Variants in FSTL5 observed in about 807,000 individuals in gnomAD.
The protein encoded by FSTL5 is follistatin like 5.
Under a neutral mutation model 89.1 loss-of-function variants are expected in FSTL5, and 62 were observed. The ratio of observed to expected loss-of-function variants is 0.70; its 90% confidence interval spans 0.57 to 0.86. The LOEUF (loss-of-function observed/expected upper bound fraction) is 0.86, where lower values mean the gene tolerates loss of function less well. Among genes scored for constraint, FSTL5 ranks in the 40% least tolerant of loss-of-function variants. FSTL5 has a pLI of 0.00. For missense variants in FSTL5, 1,057 were observed against 1,001.6 expected, an observed-to-expected ratio of 1.06 and a Z score of -0.75; for synonymous variants, 383 against 346.2, an observed-to-expected ratio of 1.11 and a Z score of -1.18.
At chr4:161,577,361 C>T (rs1333924741) in intron 8 of FSTL5, among the ~76,000 whole-genome samples, 8 of 149,794 alleles carry the variant, frequency 5.3e-5, no homozygotes, top group Admixed American at 6.7e-5. Flanking sequence ...TAACTTAAAA[C>T]TTGTAAGCCA....
intron 1 of FSTL5, among the ~76,000 whole-genome samples, chr4:162,131,406 A>T (rs962276302): frequency 6.6e-6 from 1 of 152,238 alleles, no homozygotes; most frequent in Non-Finnish European, 1.5e-5. Flanking sequence ...AGTTGCTTAT[A>T]TAAAAAATTT....
intron 6 of FSTL5, among the ~76,000 whole-genome samples, chr4:161,719,413 A>C (rs928205693): frequency 5.3e-5 from 8 of 152,200 alleles, no homozygotes; most frequent in Non-Finnish European, 2.9e-5. Context: ...ATAATTTGAC[A>C]AAAATCAAAT....
intron 4 of FSTL5, among the ~76,000 whole-genome samples, chr4:161,834,552 C>T (rs1381073672): frequency 6.6e-6 from 1 of 152,056 alleles, no homozygotes; most frequent in Non-Finnish European, 1.5e-5. Context: ...TCTAGAAAAC[C>T]CCATTGTCTT....
intron 15 of FSTL5, among the ~76,000 whole-genome samples, chr4:161,437,370 T>C (rs1732594306): frequency 6.6e-6 from 1 of 151,738 alleles, no homozygotes; most frequent in Admixed American, 6.6e-5. Flanking sequence ...ATCGAGACCA[T>C]CCTGGCTAAC....
chr4:161,964,451 G>A (rs185827583), intron 3 of FSTL5, among the ~76,000 whole-genome samples: 1 of 152,070 alleles, frequency 6.6e-6, no homozygotes, highest in Admixed American at 6.6e-5. Flanking sequence ...GTGCAATGAG[G>A]CTACATTATG....
At chr4:161,639,341 C>T (rs1195895868) in intron 7 of FSTL5, among the ~76,000 whole-genome samples, 3 of 152,144 alleles carry the variant, frequency 2.0e-5, no homozygotes, top group Admixed American at 2.0e-4. Flanking sequence ...TTTGCATAAG[C>T]TACCTATCCT....
intron 13 of FSTL5, among the ~76,000 whole-genome samples, chr4:161,465,199 T>A (rs1733710486): frequency 6.6e-6 from 1 of 152,234 alleles, no homozygotes; most frequent in South Asian, 2.1e-4. Context: ...TTTTTAAGAT[T>A]AAAAAATTGT....
intron 1 of FSTL5, among the ~76,000 whole-genome samples, chr4:162,139,718 A>G (rs1732652887): frequency 6.6e-6 from 1 of 152,158 alleles, no homozygotes; most frequent in Non-Finnish European, 1.5e-5. Flanking sequence ...AACTTTTAAA[A>G]CATAATGCAG....
chr4:161,924,587 TAG>T (rs1169170970), intron 3 of FSTL5, among the ~76,000 whole-genome samples: 1 of 151,654 alleles, frequency 6.6e-6, no homozygotes, highest in Non-Finnish European at 1.5e-5. Flanking sequence ...CATGCTTAAG[TAG>T]AGAGACTAAG....
chr4:161,969,336 T>A (rs923206797), intron 3 of FSTL5, among the ~76,000 whole-genome samples: 1 of 152,160 alleles, frequency 6.6e-6, no homozygotes, highest in Admixed American at 6.6e-5. Flanking sequence ...ATATTTTATC[T>A]GGTTTATCTG....
At chr4:161,687,577 T>G (rs1737788859) in intron 6 of FSTL5, among the ~76,000 whole-genome samples, 1 of 152,196 alleles carries the variant, frequency 6.6e-6, no homozygotes, top group Non-Finnish European at 1.5e-5. Context: ...ACTTTAAATT[T>G]TTCATTTTGT....
chr4:162,125,356 T>C (rs1249326796), intron 1 of FSTL5, among the ~76,000 whole-genome samples: 1 of 152,206 alleles, frequency 6.6e-6, no homozygotes, highest in Non-Finnish European at 1.5e-5. Flanking sequence ...ATTTTTTTAT[T>C]TGAATTTTTA....
intron 4 of FSTL5, among the ~76,000 whole-genome samples, chr4:161,801,604 C>T (rs986315526): frequency 2.6e-5 from 4 of 151,360 alleles, no homozygotes; most frequent in African/African-American, 9.7e-5. Context: ...CCTAAACATA[C>T]TATTAACACT....
chr4:161,935,566 G>T (rs909455243), intron 3 of FSTL5, among the ~76,000 whole-genome samples: 15 of 152,016 alleles, frequency 9.9e-5, no homozygotes, highest in African/African-American at 3.6e-4. Flanking sequence ...CCACAGAGAG[G>T]TAATTAAAAA....
intron 15 of FSTL5, among the ~76,000 whole-genome samples, chr4:161,437,879 G>A (rs985556779): frequency 2.0e-5 from 3 of 152,118 alleles, no homozygotes; most frequent in Non-Finnish European, 4.4e-5. Flanking sequence ...TTCCTTAAAA[G>A]GGGTGGCTTG....
chr4:161,672,603 T>C (rs1050114369), intron 6 of FSTL5, among the ~76,000 whole-genome samples: 4 of 151,552 alleles, frequency 2.6e-5, no homozygotes, highest in Non-Finnish European at 5.9e-5. Context: ...TCTAGAGATA[T>C]ATAGAATTGA....
At chr4:161,424,531 T>TA (rs10570017) in intron 15 of FSTL5, among the ~76,000 whole-genome samples, 154 of 148,972 alleles carry the variant, frequency 1.0e-3, no homozygotes, top group Non-Finnish European at 1.5e-3. Flanking sequence ...CTCCTTTAAA[T>TA]AAAAAAAAAA....
chr4:161,405,384 T>C (rs920500449), intron 15 of FSTL5, among the ~76,000 whole-genome samples: 1 of 150,858 alleles, frequency 6.6e-6, no homozygotes, highest in African/African-American at 2.4e-5. Context: ...CAAAAATGAG[T>C]AAAACAAAAA....
At chr4:161,643,445 T>C (rs1440898091) in intron 7 of FSTL5, among the ~76,000 whole-genome samples, 2 of 151,574 alleles carry the variant, frequency 1.3e-5, no homozygotes, top group African/African-American at 2.4e-5. Context: ...GAAATTATTT[T>C]ATATTGCAGT....
Sources: gnomAD v4.1 joint callset for allele counts (sites outside exome capture counted in the v4.1 genomes callset) on GRCh38, gnomAD v4.1.1 for gene constraint, MANE v1.5 for transcripts, NCBI Gene and HGNC (gene_info 2026-07-23, HGNC 2026-07-21) for gene names.